LPAR1: variants seen among roughly 807,000 people sequenced by gnomAD.
LPAR1 encodes the protein lysophosphatidic acid receptor 1.
A neutral mutation model predicts 23.8 loss-of-function variants in LPAR1; 5 were observed. That is an observed-to-expected ratio of 0.21 (90% CI 0.11 to 0.44). The LOEUF (loss-of-function observed/expected upper bound fraction) is 0.44. Ranked by LOEUF, LPAR1 falls within the 20% of genes least tolerant of loss-of-function variation. The pLI is 0.99. For synonymous variants in LPAR1, 160 were observed against 164.7 expected, an observed-to-expected ratio of 0.97 and a Z score of 0.22; for missense variants, 311 against 482.8, an observed-to-expected ratio of 0.64 and a Z score of 3.33.
rs1179016494 is a variant in LPAR1, at chr9:110,876,625, G to A, written c.794-903C>T. Among the ~76,000 whole-genome samples, 4 of 152,160 alleles carry A rather than the reference G, an allele frequency of 2.6e-5. No homozygotes were observed. The East Asian group carries it at 7.7e-4, about 29-fold the overall frequency. On this transcript the variant is annotated intron_variant, in intron 5 of 5. Transcript: ENST00000683809. ...CTTAGAGGCTGCCTCCAGAGTTCAA[G>A]CTCTAGAAAATATTACATTTCTATA...
intron 4 of LPAR1, among the ~76,000 whole-genome samples, chr9:110,953,725 AG>A (rs1668650387): frequency 1.3e-5 from 2 of 152,006 alleles, no homozygotes; most frequent in South Asian, 4.1e-4. Flanking sequence ...AATTATATGG[AG>A]ACTACACTAC....
chr9:110,974,664 C>G (rs1043521454), intron 2 of LPAR1, among the ~76,000 whole-genome samples: 2 of 152,190 alleles, frequency 1.3e-5, no homozygotes, highest in African/African-American at 4.8e-5. Flanking sequence ...CTTGTCATGA[C>G]ATTCAACACC....
intron 2 of LPAR1, among the ~76,000 whole-genome samples, chr9:111,009,605 T>C (rs2097288409): frequency 6.6e-6 from 1 of 152,086 alleles, no homozygotes; most frequent in African/African-American, 2.4e-5. Flanking sequence ...TTTGTTTACA[T>C]TTTTATATTT....
intron 2 of LPAR1, among the ~76,000 whole-genome samples, chr9:110,978,932 G>A (rs930608661): frequency 6.6e-6 from 1 of 152,134 alleles, no homozygotes; most frequent in Non-Finnish European, 1.5e-5. Context: ...TGGGGAGAGG[G>A]AGTTGGGAAG....
chr9:111,031,408 A>AG (rs2097792526), intron 2 of LPAR1, among the ~76,000 whole-genome samples: 1 of 131,398 alleles, frequency 7.6e-6, no homozygotes, highest in African/African-American at 3.5e-5. Flanking sequence ...AAAAAAAAAG[A>AG]AAAAAAAAAA....
upstream of LPAR1, chr9:111,038,645 C>T (rs1455862741): frequency 2.2e-6 from 1 of 455,378 alleles, no homozygotes; most frequent in Admixed American, 2.4e-5. The surrounding 1 kb of genome is among the most constrained non-coding windows in gnomAD (Gnocchi z 4.4). Flanking sequence ...CAAGCTGGAC[C>T]CCTTACCTGG....
intron 5 of LPAR1, among the ~76,000 whole-genome samples, chr9:110,907,832 C>T (rs2091605649): frequency 6.6e-6 from 1 of 151,676 alleles, no homozygotes; most frequent in African/African-American, 2.4e-5. Flanking sequence ...GGATGGCTTA[C>T]TATTCAAAGA....
At chr9:110,988,130 T>C (rs1277096294) in intron 2 of LPAR1, among the ~76,000 whole-genome samples, 1 of 151,888 alleles carries the variant, frequency 6.6e-6, no homozygotes, top group African/African-American at 2.4e-5. Context: ...TTTATACACA[T>C]TAAAAAATGT....
intron 5 of LPAR1, among the ~76,000 whole-genome samples, chr9:110,913,991 G>A (rs930870319): frequency 3.9e-5 from 6 of 152,138 alleles, no homozygotes; most frequent in African/African-American, 1.2e-4. Context: ...CTTATTTTTG[G>A]CAGGCGATTT....
intron 4 of LPAR1, among the ~76,000 whole-genome samples, chr9:110,959,910 T>A (rs903821252): frequency 2.6e-5 from 4 of 151,924 alleles, no homozygotes; most frequent in African/African-American, 9.7e-5. Context: ...GAATGACAAA[T>A]ATCCCAGGCA....
At chr9:110,943,026 T>C (rs886681940) in intron 4 of LPAR1, among the ~76,000 whole-genome samples, 5 of 146,686 alleles carry the variant, frequency 3.4e-5, no homozygotes. Flanking sequence ...ATATTTATAA[T>C]AATCACTTTA....
rs192793927 is a variant in LPAR1 at position 110,951,261 on chromosome 9, G to T, written c.46-9093C>A. Among the ~76,000 whole-genome samples, 595 of 152,074 alleles carry T rather than the reference G, an allele frequency of 3.9e-3. 5 individuals are homozygous for T. The highest frequency in any genetic ancestry group is 0.014 in the African/African-American group (570 of 41,498). On this transcript the variant is annotated intron_variant, in intron 4 of 5. Transcript: ENST00000683809. ...ATATATTTATAAGCTCTGAAGAGGG[G>T]AATATTTCTAAATATGACCAAAAAG...
chr9:110,877,395 A>C (rs1354834048), intron 5 of LPAR1, among the ~76,000 whole-genome samples: 1 of 152,198 alleles, frequency 6.6e-6, no homozygotes, highest in Non-Finnish European at 1.5e-5. Context: ...GAGAGAAAAA[A>C]ATATTTCAAA....
intron 5 of LPAR1, among the ~76,000 whole-genome samples, chr9:110,890,715 A>G (rs2083875094): frequency 6.6e-6 from 1 of 152,262 alleles, no homozygotes; most frequent in South Asian, 2.1e-4. Flanking sequence ...AACTTTATGA[A>G]TATAATTGAA....
In LPAR1 at chr9:110,926,319, G is replaced by A. The variant is rs144667630; in HGVS notation, c.793+15102C>T. Among the ~76,000 whole-genome samples the A allele has an allele frequency of 2.0e-4, 30 of 152,318 alleles. 1 individual carries two copies. In the East Asian group the frequency reaches 5.8e-3, roughly 29 times the overall value. ...GGAAGAAATTAAAGCCTATGAACAAGCAAATGATTGATTTACCCTTTTTCT... is the reference window on the plus strand; with the variant it reads ...GGAAGAAATTAAAGCCTATGAACAAACAAATGATTGATTTACCCTTTTTCT... On this transcript the variant is annotated intron_variant, in intron 5 of 5. Transcript: ENST00000683809.
chr9:111,017,862 T>C (rs944318689), intron 2 of LPAR1, among the ~76,000 whole-genome samples: 11 of 151,862 alleles, frequency 7.2e-5, no homozygotes, highest in African/African-American at 2.7e-4. Context: ...CTACTAAAAA[T>C]ACAAAAATCA....
chr9:111,018,747 T>C (rs961746569), intron 2 of LPAR1, among the ~76,000 whole-genome samples: 7 of 152,228 alleles, frequency 4.6e-5, no homozygotes, highest in Admixed American at 1.3e-4. Context: ...AAAATCTACT[T>C]GGAAACCAAA....
In LPAR1 at chr9:110,996,793, G is replaced by A. The variant is rs1377967250; in HGVS notation, c.-181-23235C>T. Among the ~76,000 whole-genome samples, 5 of 152,280 alleles carry A rather than the reference G, an allele frequency of 3.3e-5. No individual in the cohort carries two copies. The East Asian group carries it at 9.7e-4, about 29-fold the overall frequency. On this transcript the variant is annotated intron_variant, in intron 2 of 5. Coordinates refer to ENST00000683809, the MANE Select transcript of LPAR1 (RefSeq NM_001351411.2). ...AGGGTATAATTTTAGATTTCTAAAA[G>A]GCCACCTCTCCAAAGAACTACCCCA...
chr9:110,974,787 G>A (rs2096516751), intron 2 of LPAR1, among the ~76,000 whole-genome samples: 1 of 152,204 alleles, frequency 6.6e-6, no homozygotes, highest in South Asian at 2.1e-4. Flanking sequence ...CAGGAGAAAA[G>A]CATATGTATA....
Sources: gnomAD v4.1 joint callset for allele counts (sites outside exome capture counted in the v4.1 genomes callset) on GRCh38, gnomAD v4.1.1 for gene constraint, Gnocchi (gnomAD v3.1) non-coding constraint, MANE v1.5 for transcripts, NCBI Gene and HGNC (gene_info 2026-07-23, HGNC 2026-07-21) for gene names.